Variants in PXDNL observed in about 807,000 individuals in gnomAD.
PXDNL encodes the protein probable oxidoreductase PXDNL.
Under a neutral mutation model 150.8 loss-of-function variants are expected in PXDNL, and 145 were observed. That is an observed-to-expected ratio of 0.96 (90% CI 0.84 to 1.10). The LOEUF is 1.10. Ranked by LOEUF, PXDNL falls within the 50% of genes least tolerant of loss-of-function variation. PXDNL has a pLI of 0.00. For missense variants in PXDNL, 2,087 were observed against 1,873.9 expected (o/e 1.11, Z -2.10); for synonymous variants, 757 against 725.7 (o/e 1.04, Z -0.69).
intron 3 of PXDNL, among the ~76,000 whole-genome samples, chr8:51,558,413 T>A (rs937131237): frequency 5.9e-5 from 9 of 152,070 alleles, no homozygotes; most frequent in Non-Finnish European, 1.0e-4. Flanking sequence ...TACCTCCTGG[T>A]AAAGGCCCTT....
chr8:51,619,747 T>C (rs1814201645), intron 2 of PXDNL, among the ~76,000 whole-genome samples: 1 of 152,184 alleles, frequency 6.6e-6, no homozygotes, highest in Non-Finnish European at 1.5e-5. Flanking sequence ...GTGAGCCAAT[T>C]AAACCTCTTT....
chr8:51,569,382 G>A (rs1452474741), intron 3 of PXDNL, among the ~76,000 whole-genome samples: 1 of 151,902 alleles, frequency 6.6e-6, no homozygotes, highest in African/African-American at 2.4e-5. Flanking sequence ...AAAATTTGGA[G>A]AGCAAATATG....
chr8:51,722,064 C>T (rs4242468), intron 1 of PXDNL: 182,344 of 185,832 alleles, frequency 0.98, 89,551 homozygotes, highest in East Asian at 1. Context: ...TGCTGTTCTA[C>T]GGACCACCTT....
intron 6 of PXDNL, among the ~76,000 whole-genome samples, chr8:51,480,988 T>C (rs956816507): frequency 2.0e-5 from 3 of 152,198 alleles, no homozygotes; most frequent in Non-Finnish European, 4.4e-5. Flanking sequence ...GGCACTGCTG[T>C]AAAGATACCC....
At chr8:51,608,386 CA>C (rs760838357) in intron 2 of PXDNL, among the ~76,000 whole-genome samples, 13,385 of 75,242 alleles carry the variant, frequency 0.18, 1,314 homozygotes, top group African/African-American at 0.34. Flanking sequence ...GAGACTCCGT[CA>C]AAAAAAAAAA....
At chr8:51,445,163 A>C (rs1171318790) in intron 12 of PXDNL, among the ~76,000 whole-genome samples, 1 of 152,120 alleles carries the variant, frequency 6.6e-6, no homozygotes, top group African/African-American at 2.4e-5. Context: ...CAGGTGATCC[A>C]CTAGCCTCAG....
At chr8:51,506,348 C>T (rs1308419900) in intron 4 of PXDNL, among the ~76,000 whole-genome samples, 2 of 151,964 alleles carry the variant, frequency 1.3e-5, no homozygotes, top group African/African-American at 2.4e-5. Context: ...TGAGACCATC[C>T]TGGCCAACAT....
intron 1 of PXDNL, among the ~76,000 whole-genome samples, chr8:51,781,384 T>TG (rs1409788647): frequency 6.6e-6 from 1 of 152,132 alleles, no homozygotes; most frequent in Non-Finnish European, 1.5e-5. Context: ...TGAGTAAACT[T>TG]GCAGCCATCA....
At chr8:51,639,394 A>T (rs961002245) in intron 2 of PXDNL, among the ~76,000 whole-genome samples, 4 of 152,230 alleles carry the variant, frequency 2.6e-5, no homozygotes, top group Non-Finnish European at 5.9e-5. Context: ...AACCCTTCAA[A>T]AACATCAACG....
intron 12 of PXDNL, among the ~76,000 whole-genome samples, chr8:51,439,845 A>C (rs953834867): frequency 5.0e-5 from 7 of 141,316 alleles, no homozygotes; most frequent in African/African-American, 1.3e-4. Context: ...AAAAAAAAAG[A>C]ATTAAAACTA....
rs1362653849 is a variant in PXDNL at position 51,408,688 on chromosome 8, TTG to T, written c.2934_2935del (p.His978GlnfsTer42). 1.3e-6 allele frequency: 2 copies of T among 1,595,958 alleles called. No homozygotes were observed. Among genetic ancestry groups the T allele is most frequent in the Non-Finnish European group, 1.7e-6 (2 of 1,171,030 alleles). Reference sequence around the variant, plus strand: ...GGCGGACAGCTCCGTGGCCATCCTGTTGTGTTCCCGGAACCACAGGGTGTGCA... The same window carrying T: ...GGCGGACAGCTCCGTGGCCATCCTGTTGTTCCCGGAACCACAGGGTGTGCA... On this transcript the variant is annotated frameshift_variant, in exon 17 of 23. Coordinates refer to ENST00000356297, the MANE Select transcript of PXDNL (RefSeq NM_144651.5). LOFTEE classifies it high-confidence loss of function.
intron 2 of PXDNL, among the ~76,000 whole-genome samples, chr8:51,612,440 T>C (rs967984390): frequency 2.7e-4 from 41 of 152,198 alleles, no homozygotes; most frequent in Non-Finnish European, 3.1e-4. Context: ...TCTGCATCTC[T>C]GGTGTTTGCT....
At chr8:51,441,536 A>G (rs1809548303) in intron 12 of PXDNL, among the ~76,000 whole-genome samples, 1 of 152,206 alleles carries the variant, frequency 6.6e-6, no homozygotes, top group Admixed American at 6.5e-5. Context: ...GCAGCATGGC[A>G]ATGTGACATG....
chr8:51,450,312 C>G (rs1001555801), intron 10 of PXDNL, among the ~76,000 whole-genome samples: 16 of 152,198 alleles, frequency 1.1e-4, no homozygotes, highest in African/African-American at 3.9e-4. Flanking sequence ...GTCTTTGTGC[C>G]CTGTATATTG....
At chr8:51,561,602 TAAGTA>T (rs1812722559) in intron 3 of PXDNL, among the ~76,000 whole-genome samples, 1 of 151,820 alleles carries the variant, frequency 6.6e-6, no homozygotes, top group South Asian at 2.1e-4. Flanking sequence ...GACATTAAAC[TAAGTA>T]AAGTAAACCG....
At chr8:51,496,883 C>A (rs1431352084) in intron 5 of PXDNL, among the ~76,000 whole-genome samples, 1 of 152,092 alleles carries the variant, frequency 6.6e-6, no homozygotes, top group Non-Finnish European at 1.5e-5. Context: ...AGATTCAATG[C>A]CATCCCCATC....
intron 8 of PXDNL, among the ~76,000 whole-genome samples, chr8:51,463,056 A>C (rs924444118): frequency 3.9e-5 from 6 of 152,220 alleles, no homozygotes; most frequent in African/African-American, 1.2e-4. Flanking sequence ...AGGATAAATA[A>C]AATTCTTCCC....
At chr8:51,380,012 T>C (rs1276496979) in intron 17 of PXDNL, among the ~76,000 whole-genome samples, 1 of 152,014 alleles carries the variant, frequency 6.6e-6, no homozygotes, top group Admixed American at 6.6e-5. Flanking sequence ...TCTTAATTAC[T>C]AAAAGCTTTA....
intron 3 of PXDNL, among the ~76,000 whole-genome samples, chr8:51,559,878 TA>T (rs1240320369): frequency 6.6e-6 from 1 of 151,950 alleles, no homozygotes; most frequent in Non-Finnish European, 1.5e-5. Context: ...ACCAGGATTT[TA>T]AAAATCAAGA....
Sources: gnomAD v4.1 joint callset for allele counts (sites outside exome capture counted in the v4.1 genomes callset) on GRCh38, gnomAD v4.1.1 for gene constraint, MANE v1.5 for transcripts, NCBI Gene and HGNC (gene_info 2026-07-23, HGNC 2026-07-21) for gene names.